RAD21L1: variants seen among roughly 807,000 people sequenced by gnomAD.
RAD21L1 encodes double-strand-break repair protein rad21-like protein 1.
Under a neutral mutation model 69.0 loss-of-function variants are expected in RAD21L1, and 47 were observed. That is an observed-to-expected ratio of 0.68 (90% CI 0.54 to 0.87). The LOEUF (loss-of-function observed/expected upper bound fraction) is 0.87, where lower values mean the gene tolerates loss of function less well. Among genes scored for constraint, RAD21L1 ranks in the 40% least tolerant of loss-of-function variants. The pLI is 0.00. For missense variants in RAD21L1, 583 were observed against 647.6 expected (o/e 0.90, Z 1.08); for synonymous variants, 177 against 205.8 (o/e 0.86, Z 1.20).
intron 5 of RAD21L1, among the ~76,000 whole-genome samples, chr20:1,237,205 G>A (rs1293905175): frequency 6.6e-6 from 1 of 152,154 alleles, no homozygotes; most frequent in African/African-American, 2.4e-5. Flanking sequence ...TGGGGTTTCA[G>A]ACTCCTGGAC....
Position 1,242,604 on chromosome 20 carries a change from A to G in RAD21L1, c.857-15A>G. The G allele has an allele frequency of 6.6e-7, 1 of 1,516,884 alleles. No individual in the cohort carries two copies. Among genetic ancestry groups the G allele is most frequent in the South Asian group, 1.2e-5 (1 of 83,400 alleles). The allele number at this position is 1,516,884 out of a possible 1,614,324, so 94.0% of individuals were successfully genotyped here. Reference sequence around the variant, plus strand: ...CTGTATAACCAATCACATTTGTGCTATTTCTTATATTTAGACATTGCTGAG... The same window carrying G: ...CTGTATAACCAATCACATTTGTGCTGTTTCTTATATTTAGACATTGCTGAG... On this transcript the variant is annotated splice_polypyrimidine_tract_variant and intron_variant, in intron 8 of 13. Transcript: ENST00000683101.
rs1391484568 is a variant in RAD21L1 at position 1,254,424 on chromosome 20, A to G, written c.1635A>G (p.Ile545Met). The G allele has an allele frequency of 9.7e-6, 15 of 1,544,192 alleles. No homozygotes were observed. Among genetic ancestry groups the G allele is most frequent in the Admixed American group, 4.0e-5 (2 of 49,750 alleles). ...AGAGTGCTCCCTATGCAGATATTAT[A>G]GCTACGATGGGACCAATGTTTTATA... ...LSQSAPYADIIATMGPMFYNI is the reference protein window; with the variant it reads ...LSQSAPYADIMATMGPMFYNI Residue 545 changes from isoleucine (I) to methionine (M), a missense_variant, in exon 14 of 14, where the codon ATA (isoleucine) becomes ATG (methionine). Transcript: ENST00000683101.
intron 12 of RAD21L1, among the ~76,000 whole-genome samples, chr20:1,247,689 A>AGAAT (rs2087743215): frequency 6.6e-6 from 1 of 152,126 alleles, no homozygotes; most frequent in Admixed American, 6.6e-5. Context: ...AATGTCATGC[A>AGAAT]GAATATTCTG....
At position 1,246,732 on chromosome 20, in the gene RAD21L1, GC is replaced by G. The variant is rs1315960705; in HGVS notation, c.1401+428del. Among the ~76,000 whole-genome samples the G allele has an allele frequency of 2.0e-5, 3 of 152,094 alleles. No homozygotes were observed. Among genetic ancestry groups the G allele is most frequent in the Non-Finnish European group, 4.4e-5 (3 of 68,020 alleles). On this transcript the variant is annotated intron_variant, in intron 12 of 13. Coordinates refer to ENST00000683101, the MANE Select transcript of RAD21L1 (RefSeq NM_001384355.1). This position sits in a 1 kb window ranked among gnomAD's most constrained non-coding sequence, Gnocchi z 4.6. Reference sequence around the variant, plus strand: ...TTCCTTTAACATTATGTGGCACAAGGCTTGTATCTATACAAGGCTTCTGGAA... The same window carrying G: ...TTCCTTTAACATTATGTGGCACAAGGTTGTATCTATACAAGGCTTCTGGAA...
At chr20:1,236,810 G>A (rs957603521) in intron 5 of RAD21L1, among the ~76,000 whole-genome samples, 1 of 152,142 alleles carries the variant, frequency 6.6e-6, no homozygotes, top group Admixed American at 6.5e-5. Context: ...ATCTTATTCT[G>A]GATTGTAATA....
At chr20:1,234,690 G>A (rs867339421) in intron 5 of RAD21L1, among the ~76,000 whole-genome samples, 2 of 152,200 alleles carry the variant, frequency 1.3e-5, no homozygotes, top group Non-Finnish European at 2.9e-5. Context: ...TATTGATTGT[G>A]AAACAGAAAC....
At position 1,234,085 on chromosome 20, in the gene RAD21L1, T is replaced by A. The variant is rs755285899; in HGVS notation, c.369T>A (p.Asn123Lys). 4.4e-5 allele frequency: 63 copies of A among 1,432,518 alleles called. 1 individual carries two copies. The Middle Eastern group carries it at 5.2e-4, about 12-fold the overall frequency. 88.7% of individuals were successfully genotyped at this position (1,432,518 alleles called of 1,614,324 possible). A position where few individuals can be genotyped will look rare whatever the true frequency, so the allele number is the denominator to read the frequency against. The change falls in exon 5 of 14, where the codon AAT becomes AAA. Residue 123 changes from asparagine to lysine, a missense_variant and splice_region_variant. Transcript: ENST00000683101. Reference sequence around the variant, plus strand: ...TTCTCAACCTTCTATTTCTCCATAGTGCTATTGATGTTTCAGAACACTTTA... The same window carrying A: ...TTCTCAACCTTCTATTTCTCCATAGAGCTATTGATGTTTCAGAACACTTTA... ...EFHDFDTQNM[N>K]AIDVSEHFTQ...
chr20:1,254,354 AT>A lies in RAD21L1; in HGVS notation c.1566del (p.Tyr522Ter). 1 of 1,551,432 alleles carries A rather than the reference AT, an allele frequency of 6.4e-7. No individual in the cohort carries two copies. The highest frequency in any genetic ancestry group is 8.7e-7 in the Non-Finnish European group (1 of 1,146,850). ...SDRKQAAAKF[Y>X]SFLVLKKQLA... Reference sequence around the variant, plus strand: ...CGAAAACAAGCAGCTGCCAAATTTTATAGCTTTCTTGTCCTAAAGAAACAGC... The same window carrying A: ...CGAAAACAAGCAGCTGCCAAATTTTAAGCTTTCTTGTCCTAAAGAAACAGC... On this transcript the variant is annotated frameshift_variant, in exon 14 of 14. Coordinates refer to ENST00000683101, the MANE Select transcript of RAD21L1 (RefSeq NM_001384355.1). LOFTEE classifies it high-confidence loss of function.
At chr20:1,233,419 C>T (rs772175322) in intron 4 of RAD21L1, among the ~76,000 whole-genome samples, 2 of 152,076 alleles carry the variant, frequency 1.3e-5, no homozygotes, top group African/African-American at 2.4e-5. Flanking sequence ...GGAAGAAAAT[C>T]GAGAAATAGT....
intron 5 of RAD21L1, among the ~76,000 whole-genome samples, chr20:1,237,231 C>T (rs2087515728): frequency 6.6e-6 from 1 of 152,140 alleles, no homozygotes; most frequent in African/African-American, 2.4e-5. Context: ...GATTCAAACC[C>T]AAGAGAGGGA....
intron 12 of RAD21L1, 111 bp from the exon 13 acceptor site, chr20:1,248,515 G>A: frequency 1.8e-6 from 1 of 560,320 alleles, no homozygotes; most frequent in Non-Finnish European, 3.2e-6. Context: ...TTATTTGGCA[G>A]GACCCATTGT....
chr20:1,234,885 G>T (rs1193433276), intron 5 of RAD21L1, among the ~76,000 whole-genome samples: 1 of 152,086 alleles, frequency 6.6e-6, no homozygotes, highest in African/African-American at 2.4e-5. Flanking sequence ...GACTGCAAGT[G>T]CATGCCACCA....
intron 2 of RAD21L1, among the ~76,000 whole-genome samples, chr20:1,229,495 A>T (rs1393709436): frequency 6.6e-6 from 1 of 152,228 alleles, no homozygotes; most frequent in African/African-American, 2.4e-5. Context: ...AGCCTGGGTG[A>T]CAGAGCGAGA....
chr20:1,245,018 G>T (rs1161744313), intron 11 of RAD21L1, among the ~76,000 whole-genome samples: 7 of 152,126 alleles, frequency 4.6e-5, no homozygotes, highest in African/African-American at 1.7e-4. Context: ...TTGTTAAAGT[G>T]TACCTACCGA....
rs951616274 is a variant in RAD21L1, at chr20:1,248,779, T to C, written c.1479+76T>C. The C allele has an allele frequency of 3.7e-6, 3 of 814,500 alleles. No individual in the cohort carries two copies. In the African/African-American group the frequency reaches 5.4e-5, roughly 15 times the overall value. The allele number at this position is 814,500 out of a possible 1,614,324, so 50.5% of individuals were successfully genotyped here. A position where few individuals can be genotyped will look rare whatever the true frequency, so the allele number is the denominator to read the frequency against. On this transcript the variant is annotated intron_variant, in intron 13 of 13. Transcript: ENST00000683101. Reference sequence around the variant, plus strand: ...ATACTGACTTCAAGCTTCCATATATTAATGAAAACGCAATAATTTTCCTTA... The same window carrying C: ...ATACTGACTTCAAGCTTCCATATATCAATGAAAACGCAATAATTTTCCTTA...
intron 10 of RAD21L1, among the ~76,000 whole-genome samples, chr20:1,243,477 G>C (rs755582564): frequency 2.0e-4 from 31 of 151,818 alleles, no homozygotes; most frequent in African/African-American, 7.5e-4. Context: ...ACTCCCAAAG[G>C]CATACTCAAA....
At chr20:1,227,897 C>T (rs1600212695) in intron 1 of RAD21L1, among the ~76,000 whole-genome samples, 1 of 152,222 alleles carries the variant, frequency 6.6e-6, no homozygotes, top group East Asian at 1.9e-4. Flanking sequence ...GTGATTTTAA[C>T]TTCAAAAATT....
rs918453025 is a variant in RAD21L1 at position 1,228,566 on chromosome 20, A to G, written c.113A>G (p.Glu38Gly). ...GCCCATGTATTTGAATGTAATCTAGAGATAACCATTGAAAAAATTCTTTCA... is the reference window on the plus strand; with the variant it reads ...GCCCATGTATTTGAATGTAATCTAGGGATAACCATTGAAAAAATTCTTTCA... ...TKAHVFECNL[E>G]ITIEKILSPK... is the part of the protein sequence containing the mutation. Residue 38 changes from glutamate to glycine, a missense_variant, in exon 2 of 14, where the codon GAG (glutamate) becomes GGG (glycine). Coordinates refer to ENST00000683101, the MANE Select transcript of RAD21L1 (RefSeq NM_001384355.1). 1.3e-6 allele frequency: 2 copies of G among 1,546,174 alleles called. No individual in the cohort carries two copies.
intron 5 of RAD21L1, among the ~76,000 whole-genome samples, chr20:1,237,453 C>T (rs2087523372): frequency 6.6e-6 from 1 of 151,078 alleles, no homozygotes; most frequent in Non-Finnish European, 1.5e-5. Flanking sequence ...ATAGTATCTT[C>T]TATTACATAA....
Sources: allele counts gnomAD v4.1 joint callset (sites outside exome capture counted in the v4.1 genomes callset), GRCh38; gene constraint gnomAD v4.1.1; non-coding constraint Gnocchi (gnomAD v3.1); transcripts MANE v1.5; gene names NCBI Gene and HGNC (gene_info 2026-07-23, HGNC 2026-07-21).